Variants in CAMKMT observed in about 807,000 individuals in gnomAD.
CAMKMT encodes CaM KMT.
Under a neutral mutation model 48.0 loss-of-function variants are expected in CAMKMT, and 53 were observed. The ratio of observed to expected loss-of-function variants is 1.10; its 90% CI spans 0.89 to 1.39. CAMKMT has a LOEUF of 1.39. Among genes scored for constraint, CAMKMT ranks in the 40% most tolerant of loss-of-function variants. The pLI is 0.00. For missense variants in CAMKMT, 428 were observed against 402.7 expected (o/e 1.06, Z -0.54); for synonymous variants, 165 against 152.3 (o/e 1.08, Z -0.61).
At chr2:44,544,958 T>A (rs1418592320) in intron 3 of CAMKMT, among the ~76,000 whole-genome samples, 1 of 152,258 alleles carries the variant, frequency 6.6e-6, no homozygotes, top group African/African-American at 2.4e-5. Flanking sequence ...TAATTTTGTT[T>A]AATTTTCTGA....
chr2:44,458,150 G>C (rs1279966212), intron 3 of CAMKMT, among the ~76,000 whole-genome samples: 1 of 144,588 alleles, frequency 6.9e-6, no homozygotes, highest in Non-Finnish European at 1.5e-5. Flanking sequence ...CGGTTCAAAC[G>C]ATCTTCCCAC....
chr2:44,522,387 A>G (rs1242953671), intron 3 of CAMKMT, among the ~76,000 whole-genome samples: 1 of 152,058 alleles, frequency 6.6e-6, no homozygotes. Context: ...TTTACTGTGT[A>G]TGTTACAATC....
chr2:44,586,928 G>A (rs539606977), intron 3 of CAMKMT, among the ~76,000 whole-genome samples: 30 of 151,846 alleles, frequency 2.0e-4, no homozygotes, highest in African/African-American at 6.8e-4. Flanking sequence ...ATTGCCAGCA[G>A]CAGCATGGGA....
intron 3 of CAMKMT, among the ~76,000 whole-genome samples, chr2:44,528,295 T>A (rs1053481994): frequency 1.3e-5 from 2 of 152,122 alleles, no homozygotes; most frequent in East Asian, 3.8e-4. Context: ...ATTTCCTTAG[T>A]TCTTGTTTTA....
chr2:44,426,919 C>A (rs116041246), intron 3 of CAMKMT, among the ~76,000 whole-genome samples: 4,260 of 152,162 alleles, frequency 0.028, 169 homozygotes, highest in African/African-American at 0.092. Flanking sequence ...CAATTTTAAA[C>A]TAAACTACAG....
Position 44,772,213 on chromosome 2 carries a change from C to T in CAMKMT, c.*100C>T. On this transcript the variant is annotated 3_prime_UTR_variant, in exon 11 of 11. Transcript: ENST00000378494. Reference sequence around the variant, plus strand: ...AGGGGTATAATCGCCTGCCTGCGCCCTTTGCAGCATTTCACGTGTGGGCTA... The same window carrying T: ...AGGGGTATAATCGCCTGCCTGCGCCTTTTGCAGCATTTCACGTGTGGGCTA... The T allele has an allele frequency of 1.1e-6, 1 of 952,112 alleles. No homozygotes were observed. Among genetic ancestry groups the T allele is most frequent in the South Asian group, 1.5e-5 (1 of 68,774 alleles). The allele number at this position is 952,112 out of a possible 1,614,324, so 59.0% of individuals were successfully genotyped here. A position where few individuals can be genotyped will look rare whatever the true frequency, so the allele number is the denominator to read the frequency against.
intron 9 of CAMKMT, among the ~76,000 whole-genome samples, chr2:44,762,816 C>T (rs1386006488): frequency 6.6e-6 from 1 of 152,138 alleles, no homozygotes; most frequent in Non-Finnish European, 1.5e-5. Flanking sequence ...CTCTCCTCTC[C>T]AGGAATAAAT....
chr2:44,585,167 A>T (rs931909382), intron 3 of CAMKMT, among the ~76,000 whole-genome samples: 2 of 152,196 alleles, frequency 1.3e-5, no homozygotes, highest in African/African-American at 4.8e-5. Context: ...GTTAATTTTG[A>T]TACCTTTAAA....
At chr2:44,761,152 G>A (rs1353844463) in intron 9 of CAMKMT, among the ~76,000 whole-genome samples, 1 of 152,212 alleles carries the variant, frequency 6.6e-6, no homozygotes, top group Non-Finnish European at 1.5e-5. Flanking sequence ...AGAGAAGTCA[G>A]CAAAGGCGTC....
chr2:44,413,067 C>G (rs558991764), intron 3 of CAMKMT, among the ~76,000 whole-genome samples: 102 of 151,414 alleles, frequency 6.7e-4, no homozygotes, highest in African/African-American at 9.0e-4. Flanking sequence ...CAGAGCAGGA[C>G]TCCATCTCAA....
At chr2:44,418,461 T>C (rs1017303204) in intron 3 of CAMKMT, among the ~76,000 whole-genome samples, 2 of 152,174 alleles carry the variant, frequency 1.3e-5, no homozygotes, top group Non-Finnish European at 2.9e-5. Flanking sequence ...GTTTTTCACG[T>C]GGGTATTTGG....
intron 3 of CAMKMT, among the ~76,000 whole-genome samples, chr2:44,648,133 A>G (rs527658670): frequency 6.6e-6 from 1 of 152,216 alleles, no homozygotes; most frequent in East Asian, 1.9e-4. Context: ...TGTCATGAAA[A>G]AAAAGCTTGT....
intron 3 of CAMKMT, among the ~76,000 whole-genome samples, chr2:44,450,189 T>C (rs1030161551): frequency 1.3e-5 from 2 of 152,148 alleles, no homozygotes; most frequent in African/African-American, 4.8e-5. Context: ...TTTAAGGTCA[T>C]AGCAGGCTCA....
chr2:44,401,097 A>G (rs894186936), intron 3 of CAMKMT: 6 of 151,986 alleles, frequency 3.9e-5, no homozygotes, highest in Non-Finnish European at 8.8e-5. Flanking sequence ...CAATTCTCAA[A>G]TGATTTATCA....
intron 3 of CAMKMT, among the ~76,000 whole-genome samples, chr2:44,664,507 C>G (rs1674852683): frequency 6.6e-6 from 1 of 152,138 alleles, no homozygotes; most frequent in African/African-American, 2.4e-5. Context: ...TAATCAGTGT[C>G]CTATTATTGG....
chr2:44,482,134 G>A lies in CAMKMT; in HGVS notation c.376+91829G>A, dbSNP rs536249207. ...TAGAGAATTGCATAATAGACTGATA[G>A]GGAAAGACTTTCAGGAGAGGGAGCA... On this transcript the variant is annotated intron_variant, in intron 3 of 10. Transcript: ENST00000378494. Among the ~76,000 whole-genome samples the A allele has an allele frequency of 2.6e-5, 4 of 152,140 alleles. No individual in the cohort carries two copies. The East Asian group carries it at 7.7e-4, about 29-fold the overall frequency.
At chr2:44,483,109 C>G (rs1669054920) in intron 3 of CAMKMT, among the ~76,000 whole-genome samples, 1 of 152,094 alleles carries the variant, frequency 6.6e-6, no homozygotes, top group Non-Finnish European at 1.5e-5. Context: ...CTAAAGGCTC[C>G]TACAACTGAC....
intron 3 of CAMKMT, among the ~76,000 whole-genome samples, chr2:44,414,973 G>A (rs575693707): frequency 2.0e-5 from 3 of 152,308 alleles, no homozygotes; most frequent in Non-Finnish European, 4.4e-5. Flanking sequence ...GGCCAACATG[G>A]TAAAACCCCA....
intron 3 of CAMKMT, among the ~76,000 whole-genome samples, chr2:44,611,840 G>A (rs1671616673): frequency 6.6e-6 from 1 of 151,944 alleles, no homozygotes; most frequent in South Asian, 2.1e-4. Flanking sequence ...AAAAGCAGGA[G>A]CAAATGAGGT....
Sources: gnomAD v4.1 joint callset for allele counts (sites outside exome capture counted in the v4.1 genomes callset) on GRCh38, gnomAD v4.1.1 for gene constraint, MANE v1.5 for transcripts, NCBI Gene and HGNC (gene_info 2026-07-23, HGNC 2026-07-21) for gene names.